The following ZSWIM6 variants were observed in gnomAD, a reference collection of about 807,000 sequenced individuals.
ZSWIM6 encodes zinc finger SWIM-type containing 6.
In ZSWIM6, 9 loss-of-function variants were observed where a neutral mutation model predicts 113.2. The observed-to-expected ratio is 0.08, with a 90% confidence interval of 0.05 to 0.14. The LOEUF (loss-of-function observed/expected upper bound fraction) is 0.14. Ranked by LOEUF, ZSWIM6 falls within the 10% of genes least tolerant of loss-of-function variation. ZSWIM6 has a pLI of 1.00. For missense variants in ZSWIM6, 1,162 were observed against 1,552.2 expected, an observed-to-expected ratio of 0.75 and a Z score of 4.22; for synonymous variants, 611 against 606.5, an observed-to-expected ratio of 1.01 and a Z score of -0.11.
At chr5:61,518,582 GTCT>G (rs1287609054) in intron 4 of ZSWIM6, among the ~76,000 whole-genome samples, 2 of 152,192 alleles carry the variant, frequency 1.3e-5, no homozygotes, top group Non-Finnish European at 2.9e-5. Context: ...CTACATAAAT[GTCT>G]TCTTTTGAGA....
At chr5:61,451,998 C>T (rs77897266) in intron 1 of ZSWIM6, among the ~76,000 whole-genome samples, 78 of 152,144 alleles carry the variant, frequency 5.1e-4, no homozygotes, top group African/African-American at 1.8e-3. Flanking sequence ...ACTTAGTACC[C>T]GCTACTCAAC....
intron 7 of ZSWIM6, among the ~76,000 whole-genome samples, chr5:61,527,410 A>G (rs1025631453): frequency 1.3e-5 from 2 of 152,210 alleles, no homozygotes; most frequent in Non-Finnish European, 2.9e-5. Context: ...GAGTATAACT[A>G]AAAATTATTA....
intron 4 of ZSWIM6, among the ~76,000 whole-genome samples, chr5:61,510,210 T>C (rs775242981): frequency 6.6e-6 from 1 of 151,746 alleles, no homozygotes; most frequent in Non-Finnish European, 1.5e-5. Context: ...AATAAGTGTG[T>C]GAGGTGGGGC....
intron 2 of ZSWIM6, among the ~76,000 whole-genome samples, chr5:61,489,530 C>A (rs2112212204): frequency 1.3e-5 from 2 of 152,116 alleles, no homozygotes; most frequent in African/African-American, 4.8e-5. Context: ...TGAGCCTTTG[C>A]TTATAGTAAG....
Position 61,491,331 on chromosome 5 carries a change from T to C in ZSWIM6, c.1182+397T>C, listed in dbSNP as rs565159088. Among the ~76,000 whole-genome samples the C allele has an allele frequency of 1.1e-4, 17 of 152,226 alleles. 1 individual carries two copies. Among genetic ancestry groups the C allele is most frequent in the African/African-American group, 4.1e-4 (17 of 41,566 alleles). Reference sequence around the variant, plus strand: ...GCTTTAATTATTTAGTTTAATAATGTCAGTATCTGTAAGTTAATTTCAAAA... The same window carrying C: ...GCTTTAATTATTTAGTTTAATAATGCCAGTATCTGTAAGTTAATTTCAAAA... On this transcript the variant is annotated intron_variant, in intron 3 of 13. Transcript: ENST00000252744.
chr5:61,467,909 G>A (rs976225699), intron 1 of ZSWIM6, among the ~76,000 whole-genome samples: 2 of 152,026 alleles, frequency 1.3e-5, no homozygotes, highest in Non-Finnish European at 2.9e-5. Flanking sequence ...CCACCTCCAC[G>A]GGCTAGACCC....
At chr5:61,365,757 T>A (rs753497241) in intron 1 of ZSWIM6, among the ~76,000 whole-genome samples, 2 of 151,974 alleles carry the variant, frequency 1.3e-5, no homozygotes, top group African/African-American at 2.4e-5. Context: ...TACTAGAGAG[T>A]GTGTGCAAAT....
rs923024430 is a variant in ZSWIM6 at position 61,373,013 on chromosome 5, T to G, written c.676+40065T>G. ...TATAAAAATAAAAATATTACCTCTT[T>G]GTTACCCATAATTTTCACTTCCTTT... On this transcript the variant is annotated intron_variant, in intron 1 of 13. Transcript: ENST00000252744. 4.6e-5 allele frequency among the ~76,000 whole-genome samples: 7 copies of G among 152,316 alleles called. 1 individual carries two copies. The highest frequency in any genetic ancestry group is 6.5e-5 in the Admixed American group (1 of 15,296).
At chr5:61,458,313 ATT>A (rs1747252678) in intron 1 of ZSWIM6, among the ~76,000 whole-genome samples, 1 of 152,226 alleles carries the variant, frequency 6.6e-6, no homozygotes, top group African/African-American at 2.4e-5. Context: ...GAGTATATAT[ATT>A]TTGGCTGCTT....
At chr5:61,443,420 C>T (rs1240337127) in intron 1 of ZSWIM6, among the ~76,000 whole-genome samples, 1 of 152,142 alleles carries the variant, frequency 6.6e-6, no homozygotes, top group Non-Finnish European at 1.5e-5. Flanking sequence ...GAAAGTTAAA[C>T]ACCACTTCAG....
At chr5:61,375,121 C>A in intron 1 of ZSWIM6, 1 of 1,609,360 alleles carries the variant, frequency 6.2e-7, no homozygotes, top group East Asian at 2.2e-5. Flanking sequence ...CATGGGGAAG[C>A]GGGACAATCG....
intron 1 of ZSWIM6, among the ~76,000 whole-genome samples, chr5:61,334,748 A>G (rs1579936075): frequency 6.6e-6 from 1 of 152,190 alleles, no homozygotes; most frequent in East Asian, 1.9e-4. Flanking sequence ...AACAAATCTA[A>G]TTAACATTCT....
chr5:61,349,709 C>T (rs1245533252), intron 1 of ZSWIM6, among the ~76,000 whole-genome samples: 3 of 152,066 alleles, frequency 2.0e-5, no homozygotes, highest in Non-Finnish European at 2.9e-5. Context: ...ATGATTCCAA[C>T]TTCTAAACAG....
At chr5:61,493,505 A>G (rs1748236068) in intron 3 of ZSWIM6, among the ~76,000 whole-genome samples, 1 of 152,176 alleles carries the variant, frequency 6.6e-6, no homozygotes, top group African/African-American at 2.4e-5. Flanking sequence ...TATCAGATCT[A>G]CTTAGAAGAT....
intron 1 of ZSWIM6, among the ~76,000 whole-genome samples, chr5:61,435,570 CCTT>C (rs1746688818): frequency 6.6e-6 from 1 of 152,152 alleles, no homozygotes; most frequent in African/African-American, 2.4e-5. Context: ...GCAGTTGATT[CCTT>C]CTGATAGATG....
chr5:61,437,587 G>A (rs1746736578), intron 1 of ZSWIM6, among the ~76,000 whole-genome samples: 1 of 151,740 alleles, frequency 6.6e-6, no homozygotes, highest in Non-Finnish European at 1.5e-5. Context: ...GCTGAGCATG[G>A]TAGCGTGTGC....
intron 4 of ZSWIM6, among the ~76,000 whole-genome samples, chr5:61,510,089 C>T (rs1347950535): frequency 1.3e-5 from 2 of 151,992 alleles, no homozygotes; most frequent in African/African-American, 4.8e-5. Flanking sequence ...ACTGCCACCA[C>T]CGAGAGCCTC....
At chr5:61,342,978 T>A (rs1297127851) in intron 1 of ZSWIM6, among the ~76,000 whole-genome samples, 1 of 152,222 alleles carries the variant, frequency 6.6e-6, no homozygotes, top group Non-Finnish European at 1.5e-5. Context: ...TTCCATGAGA[T>A]GTTAAGTTTT....
intron 1 of ZSWIM6, among the ~76,000 whole-genome samples, chr5:61,366,285 T>A (rs1745149624): frequency 6.6e-6 from 1 of 152,210 alleles, no homozygotes; most frequent in Non-Finnish European, 1.5e-5. Context: ...TATACCAACC[T>A]GTACCCACTT....
Sources: gnomAD v4.1 joint callset for allele counts (sites outside exome capture counted in the v4.1 genomes callset) on GRCh38, gnomAD v4.1.1 for gene constraint, MANE v1.5 for transcripts, NCBI Gene and HGNC (gene_info 2026-07-23, HGNC 2026-07-21) for gene names.